NCKAP1: variants seen among roughly 807,000 people sequenced by gnomAD.
NCKAP1 encodes the protein nck-associated protein 1.
NCKAP1 carries 21 observed loss-of-function variants against 151.2 expected under a neutral mutation model. The ratio of observed to expected loss-of-function variants is 0.14; its 90% CI spans 0.10 to 0.20. The LOEUF is 0.20. Ranked by LOEUF, NCKAP1 falls within the 10% of genes least tolerant of loss-of-function variation. NCKAP1 has a pLI of 1.00. For missense variants in NCKAP1, 933 were observed against 1,352.1 expected (o/e 0.69, Z 4.86); for synonymous variants, 484 against 451.8 (o/e 1.07, Z -0.90).
At chr2:182,960,424 G>A (rs1405103411) in intron 18 of NCKAP1, among the ~76,000 whole-genome samples, 6 of 152,110 alleles carry the variant, frequency 3.9e-5, no homozygotes, top group Non-Finnish European at 7.4e-5. Flanking sequence ...CAGAAATAAT[G>A]CCGCATATCT....
chr2:183,037,804 A>G (rs1268226437), intron 1 of NCKAP1, among the ~76,000 whole-genome samples, 188 bp downstream of exon 1: 1 of 151,406 alleles, frequency 6.6e-6, no homozygotes, highest in Non-Finnish European at 1.5e-5. Flanking sequence ...GGCGAACCAC[A>G]GGGAGAGGCG....
At chr2:182,957,756 T>C (rs1697355618) in intron 18 of NCKAP1, among the ~76,000 whole-genome samples, 160 bp from the exon 19 acceptor site, 1 of 152,226 alleles carries the variant, frequency 6.6e-6, no homozygotes, top group Non-Finnish European at 1.5e-5. Context: ...CTTAGCTAGC[T>C]TGGGTAATGC....
chr2:183,023,733 T>A, intron 2 of NCKAP1, 73 bp downstream of exon 2: 1 of 1,180,774 alleles, frequency 8.5e-7, no homozygotes. Flanking sequence ...AGAGCTACTA[T>A]AAGCACTGTG....
chr2:183,032,406 G>A (rs574187138), intron 1 of NCKAP1, among the ~76,000 whole-genome samples: 28 of 152,258 alleles, frequency 1.8e-4, no homozygotes, highest in Admixed American at 9.8e-4. Context: ...TCATCATTGT[G>A]TGAACATCAG....
At chr2:182,936,382 AAAAG>A (rs1696875715) in intron 24 of NCKAP1, among the ~76,000 whole-genome samples, 1 of 152,230 alleles carries the variant, frequency 6.6e-6, no homozygotes, top group Admixed American at 6.5e-5. Context: ...ACTGTGTAGT[AAAAG>A]AAGAAATATA....
At chr2:182,954,228 C>T (rs1438332761) in intron 20 of NCKAP1, among the ~76,000 whole-genome samples, 1 of 148,634 alleles carries the variant, frequency 6.7e-6, no homozygotes, top group Non-Finnish European at 1.5e-5. Flanking sequence ...AGGCAACAAA[C>T]AACTTTATTT....
chr2:182,948,369 G>A (rs1697148706), intron 23 of NCKAP1, among the ~76,000 whole-genome samples: 1 of 151,944 alleles, frequency 6.6e-6, no homozygotes, highest in South Asian at 2.1e-4. Flanking sequence ...AACCATCTTG[G>A]TTAAGGATAT....
Position 182,997,633 on chromosome 2 carries a change from T to C in NCKAP1, c.604-1795A>G, listed in dbSNP as rs530257879. ...TGGCATGATTTTAATTTATTGAGATTTGCTTTATGAAACCAGGAATAAACA... is the reference window on the plus strand; with the variant it reads ...TGGCATGATTTTAATTTATTGAGATCTGCTTTATGAAACCAGGAATAAACA... On this transcript the variant is annotated intron_variant, in intron 6 of 30. Coordinates refer to ENST00000361354, the MANE Select transcript of NCKAP1 (RefSeq NM_013436.5). 2.2e-4 allele frequency among the ~76,000 whole-genome samples: 34 copies of C among 152,298 alleles called. 1 individual carries two copies. Among genetic ancestry groups the C allele is most frequent in the African/African-American group, 7.9e-4 (33 of 41,550 alleles).
intron 26 of NCKAP1, among the ~76,000 whole-genome samples, chr2:182,932,016 T>C (rs746911111): frequency 6.6e-6 from 1 of 152,116 alleles, no homozygotes; most frequent in African/African-American, 2.4e-5. Flanking sequence ...CCTCATACAA[T>C]GCTGGTAGGA....
intron 20 of NCKAP1, among the ~76,000 whole-genome samples, chr2:182,953,605 A>C (rs1697264010): frequency 6.6e-6 from 1 of 152,158 alleles, no homozygotes; most frequent in Non-Finnish European, 1.5e-5. Flanking sequence ...GTTCGAGACC[A>C]TCCTGGCCAA....
At chr2:182,928,961 A>G in intron 27 of NCKAP1, 62 bp from the exon 28 acceptor site, 1 of 1,067,280 alleles carries the variant, frequency 9.4e-7, no homozygotes, top group South Asian at 1.5e-5. Context: ...AAGATTTGAT[A>G]ATCTAAACTA....
intron 26 of NCKAP1, 118 bp downstream of exon 26, chr2:182,934,633 CT>C: frequency 3.3e-6 from 2 of 607,156 alleles, no homozygotes; most frequent in South Asian, 4.4e-5. Flanking sequence ...AGCATGCTAA[CT>C]AACCACTCTA....
At chr2:183,035,653 T>C (rs964298573) in intron 1 of NCKAP1, among the ~76,000 whole-genome samples, 5 of 152,194 alleles carry the variant, frequency 3.3e-5, no homozygotes, top group African/African-American at 1.2e-4. Flanking sequence ...TTTGGCAAGA[T>C]ATTTGAACAA....
At chr2:182,978,675 G>A (rs1010101826) in intron 14 of NCKAP1, among the ~76,000 whole-genome samples, 159 bp downstream of exon 14, 6 of 151,916 alleles carry the variant, frequency 3.9e-5, no homozygotes, top group Admixed American at 3.3e-4. Flanking sequence ...TTTGTAAATA[G>A]CATCACAAAC....
intron 1 of NCKAP1, among the ~76,000 whole-genome samples, chr2:183,026,861 T>C (rs527680912): frequency 2.6e-5 from 4 of 152,328 alleles, no homozygotes; most frequent in Admixed American, 2.6e-4. Flanking sequence ...CTAGCTGCTT[T>C]TTAATAATAG....
rs1478760956 is a variant in NCKAP1 at position 182,923,483 on chromosome 2, G to C, written c.*2219C>G. 1.3e-5 allele frequency: 2 copies of C among 152,208 alleles called. No homozygotes were observed. Among genetic ancestry groups the C allele is most frequent in the African/African-American group, 4.8e-5 (2 of 41,448 alleles). The allele number at this position is 152,208 out of a possible 1,614,324, so 9.4% of individuals were successfully genotyped here. ...TGTCAGGGTTTTGCCATGTTGGCCA[G>C]GCTGGTGTTGAACTCCTGACCTCAA... On this transcript the variant is annotated 3_prime_UTR_variant, in exon 31 of 31. Transcript: ENST00000361354.
At chr2:182,979,318 T>C (rs891146524) in intron 13 of NCKAP1, among the ~76,000 whole-genome samples, 4 of 151,996 alleles carry the variant, frequency 2.6e-5, no homozygotes, top group African/African-American at 9.7e-5. Flanking sequence ...GTGATGGTAA[T>C]AGTTGCACAA....
chr2:182,995,258 ACT>A (rs1698246044), intron 7 of NCKAP1, among the ~76,000 whole-genome samples: 1 of 152,220 alleles, frequency 6.6e-6, no homozygotes, highest in African/African-American at 2.4e-5. Flanking sequence ...CTGAATACTC[ACT>A]GTCTCACCAA....
intron 2 of NCKAP1, among the ~76,000 whole-genome samples, chr2:183,009,942 T>C (rs1380219295): frequency 1.3e-5 from 2 of 152,220 alleles, no homozygotes; most frequent in Admixed American, 6.5e-5. Flanking sequence ...TTTAATTATA[T>C]TATAATCAAT....
Sources: gnomAD v4.1 joint callset for allele counts (sites outside exome capture counted in the v4.1 genomes callset) on GRCh38, gnomAD v4.1.1 for gene constraint, MANE v1.5 for transcripts, NCBI Gene and HGNC (gene_info 2026-07-23, HGNC 2026-07-21) for gene names.